The following DNAH14 variants were observed in gnomAD, a reference collection of about 807,000 sequenced individuals.
The protein encoded by DNAH14 is axonemal beta dynein heavy chain 14.
In DNAH14, 478 loss-of-function variants were observed where a neutral mutation model predicts 520.9. The observed-to-expected ratio is 0.92, with a 90% CI of 0.85 to 0.99. DNAH14 has a LOEUF of 0.99. Ranked by LOEUF, DNAH14 falls within the 50% of genes least tolerant of loss-of-function variation. The pLI is 0.00. For missense variants in DNAH14, 4,831 were observed against 5,234.5 expected, an observed-to-expected ratio of 0.92 and a Z score of 2.38; for synonymous variants, 1,581 against 1,757.2, an observed-to-expected ratio of 0.90 and a Z score of 2.51.
intron 41 of DNAH14, among the ~76,000 whole-genome samples, chr1:225,207,556 T>C (rs2087748304): frequency 6.6e-6 from 1 of 152,302 alleles, no homozygotes; most frequent in Admixed American, 6.5e-5. Context: ...CAGGTGTAAG[T>C]TGTAATCACA....
chr1:225,350,854 T>C (rs1292275154), intron 71 of DNAH14, among the ~76,000 whole-genome samples: 2 of 152,138 alleles, frequency 1.3e-5, no homozygotes, highest in Non-Finnish European at 2.9e-5. Context: ...TTTCAAAAAA[T>C]TGAAGAGACA....
At chr1:225,090,491 A>T (rs1377927634) in intron 21 of DNAH14, among the ~76,000 whole-genome samples, 1 of 152,174 alleles carries the variant, frequency 6.6e-6, no homozygotes, top group South Asian at 2.1e-4. Flanking sequence ...GAGGCTCATT[A>T]TAAGGCCACA....
At chr1:225,247,789 G>A (rs2092368541) in intron 43 of DNAH14, among the ~76,000 whole-genome samples, 1 of 152,146 alleles carries the variant, frequency 6.6e-6, no homozygotes, top group African/African-American at 2.4e-5. Flanking sequence ...CACTTTGGGA[G>A]GCCGAGGCAG....
chr1:225,087,669 C>T (rs1196015935), intron 21 of DNAH14, among the ~76,000 whole-genome samples: 2 of 152,176 alleles, frequency 1.3e-5, no homozygotes, highest in African/African-American at 2.4e-5. Context: ...TGGCAGACTT[C>T]TGATATGAGG....
At position 225,152,609 on chromosome 1, in the gene DNAH14, A is replaced by G. The variant is rs1461579366; in HGVS notation, c.5010-88A>G. The G allele has an allele frequency of 9.9e-6, 12 of 1,212,400 alleles. No individual in the cohort carries two copies. The East Asian group carries it at 1.3e-4, about 13-fold the overall frequency. 75.1% of individuals were successfully genotyped at this position (1,212,400 alleles called of 1,614,324 possible). A position where few individuals can be genotyped will look rare whatever the true frequency, so the allele number is the denominator to read the frequency against. ...GATAAAGGTCACACAGAACACCAAT[A>G]TAATTATTTTGGGGAAAAGTATGTG... On this transcript the variant is annotated intron_variant, in intron 32 of 85. Transcript: ENST00000682510.
intron 23 of DNAH14, among the ~76,000 whole-genome samples, chr1:225,102,023 C>T (rs1316857916): frequency 6.7e-6 from 1 of 149,492 alleles, no homozygotes; most frequent in Non-Finnish European, 1.5e-5. Flanking sequence ...GGTATATCTC[C>T]TAATGCTATC....
chr1:225,300,725 G>A (rs2094123030), intron 55 of DNAH14, 144 bp from the exon 56 acceptor site: 2 of 802,672 alleles, frequency 2.5e-6, no homozygotes, highest in Non-Finnish European at 3.8e-6. Flanking sequence ...GTGGGGGGTG[G>A]GGGAGATTAG....
intron 17 of DNAH14, among the ~76,000 whole-genome samples, chr1:225,060,084 A>G (rs1265856507): frequency 6.6e-6 from 1 of 151,968 alleles, no homozygotes; most frequent in Non-Finnish European, 1.5e-5. Context: ...GCCTTGCTAG[A>G]TTGGGAAGTT....
chr1:225,114,804 A>G lies in DNAH14; in HGVS notation c.3868-2880A>G, dbSNP rs183932337. Among the ~76,000 whole-genome samples, 6 of 152,152 alleles carry G rather than the reference A, an allele frequency of 3.9e-5. No individual in the cohort carries two copies. The East Asian group carries it at 1.2e-3, about 29-fold the overall frequency. The stretch of plus-strand genomic sequence containing the variant: ...ACAGTCACTGTGCTCTCTCTCCCCC[A>G]AGCACACTCATTCTCTCTCTGTGCC... On this transcript the variant is annotated intron_variant, in intron 23 of 85. Coordinates refer to ENST00000682510, the MANE Select transcript of DNAH14 (RefSeq NM_001367479.1).
At chr1:224,947,426 TCAAA>T (rs1268067629) in intron 1 of DNAH14, among the ~76,000 whole-genome samples, 2 of 152,164 alleles carry the variant, frequency 1.3e-5, no homozygotes, top group Non-Finnish European at 1.5e-5. Context: ...ACAAAGTCTG[TCAAA>T]CAAACAAAAA....
At chr1:225,217,900 C>T (rs1296074102) in intron 41 of DNAH14, among the ~76,000 whole-genome samples, 4 of 152,162 alleles carry the variant, frequency 2.6e-5, no homozygotes, top group African/African-American at 9.7e-5. Context: ...TACTGTCTGC[C>T]AAGCCCCAGT....
At chr1:225,300,722 G>A in intron 55 of DNAH14, 147 bp from the exon 56 acceptor site, 5 of 775,004 alleles carry the variant, frequency 6.5e-6, no homozygotes, top group Non-Finnish European at 8.0e-6. Context: ...AAGGTGGGGG[G>A]TGGGGGAGAT....
At chr1:225,169,028 C>A (rs970521649) in intron 36 of DNAH14, among the ~76,000 whole-genome samples, 1 of 152,250 alleles carries the variant, frequency 6.6e-6, no homozygotes. Context: ...CTGCTGATAC[C>A]CAGACAAACA....
At chr1:225,341,451 A>C (rs1282801050) in intron 69 of DNAH14, among the ~76,000 whole-genome samples, 2 of 152,044 alleles carry the variant, frequency 1.3e-5, no homozygotes, top group African/African-American at 4.8e-5. Context: ...GAGAAACCCC[A>C]TCTCTACTAA....
chr1:225,012,138 C>T (rs973778772), intron 10 of DNAH14, among the ~76,000 whole-genome samples: 4 of 152,102 alleles, frequency 2.6e-5, no homozygotes, highest in Non-Finnish European at 5.9e-5. Flanking sequence ...TCTTATAAGG[C>T]AGGCCTGGTG....
intron 4 of DNAH14, among the ~76,000 whole-genome samples, chr1:224,962,122 AAAAG>A (rs1187013578): frequency 5.3e-5 from 8 of 152,154 alleles, no homozygotes; most frequent in Non-Finnish European, 1.0e-4. Flanking sequence ...ATTTTGTTAA[AAAAG>A]AAAGTTGTAG....
intron 84 of DNAH14, 33 bp downstream of exon 84, chr1:225,392,484 ATCAT>A (rs943305099): frequency 1.0e-5 from 16 of 1,548,800 alleles, no homozygotes; most frequent in African/African-American, 4.1e-5. Context: ...AGAAACGGTG[ATCAT>A]TCATTCATTC....
intron 8 of DNAH14, among the ~76,000 whole-genome samples, chr1:224,979,319 T>C (rs1389542965): frequency 2.0e-5 from 3 of 152,082 alleles, no homozygotes; most frequent in African/African-American, 4.8e-5. Flanking sequence ...ATCTGAGCAC[T>C]TAGAGGAGGG....
chr1:225,387,305 C>T (rs2095853150), intron 81 of DNAH14, among the ~76,000 whole-genome samples: 2 of 152,032 alleles, frequency 1.3e-5, no homozygotes, highest in South Asian at 4.2e-4. Flanking sequence ...TTAACGGGTG[C>T]AGCTCACCAA....
Sources: gnomAD v4.1 joint callset for allele counts (sites outside exome capture counted in the v4.1 genomes callset) on GRCh38, gnomAD v4.1.1 for gene constraint, MANE v1.5 for transcripts, NCBI Gene and HGNC (gene_info 2026-07-23, HGNC 2026-07-21) for gene names.